NFS1: variants seen among roughly 807,000 people sequenced by gnomAD.
NFS1 encodes cysteine desulfurase.
Under a neutral mutation model 57.3 loss-of-function variants are expected in NFS1, and 26 were observed. The ratio of observed to expected loss-of-function variants is 0.45; its 90% CI spans 0.33 to 0.63. The LOEUF is 0.63. Ranked by LOEUF, NFS1 falls within the 20% of genes least tolerant of loss-of-function variation. The probability of loss-of-function intolerance (pLI) is 0.02; values close to 1 mark genes in which losing one functional copy is unlikely to be tolerated. For synonymous variants in NFS1, 209 were observed against 216.3 expected (o/e 0.97, Z 0.30); for missense variants, 505 against 605.8 (o/e 0.83, Z 1.75).
chr20:35,683,162 C>T (rs1382815115), intron 5 of NFS1, among the ~76,000 whole-genome samples: 1 of 151,858 alleles, frequency 6.6e-6, no homozygotes, highest in Non-Finnish European at 1.5e-5. Context: ...ATGATTCCAT[C>T]CACATGACAG....
intron 4 of NFS1, 141 bp from the exon 5 acceptor site, chr20:35,690,706 T>C (rs1398127550): frequency 6.7e-5 from 55 of 822,182 alleles, no homozygotes; most frequent in Non-Finnish European, 7.4e-5. Context: ...ATCCTATAAT[T>C]CAATTCTGAG....
chr20:35,682,352 CA>C (rs1475820166), intron 5 of NFS1, among the ~76,000 whole-genome samples: 29 of 152,122 alleles, frequency 1.9e-4, no homozygotes, highest in African/African-American at 6.8e-4. Flanking sequence ...TTCGTAATAC[CA>C]AAAACCTAGA....
At chr20:35,690,589 G>T (rs1202124576) in intron 4 of NFS1, 24 bp from the exon 5 acceptor site, 2 of 1,612,932 alleles carry the variant, frequency 1.2e-6, no homozygotes, top group African/African-American at 1.3e-5. Flanking sequence ...GTGACAGATG[G>T]AAGGAGAACA....
At chr20:35,680,283 C>T (rs1381336106) in intron 7 of NFS1, among the ~76,000 whole-genome samples, 2 of 151,416 alleles carry the variant, frequency 1.3e-5, no homozygotes, top group African/African-American at 2.4e-5. Context: ...CCAGCCTGGG[C>T]GACTGAGCGA....
At chr20:35,689,747 C>G (rs2035009492) in intron 5 of NFS1, among the ~76,000 whole-genome samples, 1 of 118,090 alleles carries the variant, frequency 8.5e-6, no homozygotes, top group African/African-American at 3.3e-5. Flanking sequence ...TCCAGCCTGG[C>G]AATACAGCGA....
chr20:35,682,010 G>T, intron 5 of NFS1, 29 bp from the exon 6 acceptor site: 1 of 1,360,032 alleles, frequency 7.4e-7, no homozygotes. Flanking sequence ...AAGGTGACTA[G>T]ATAGTACAAA....
intron 5 of NFS1, among the ~76,000 whole-genome samples, chr20:35,683,059 C>A (rs111373089): frequency 0.013 from 1,940 of 151,636 alleles, 30 homozygotes; most frequent in African/African-American, 0.044. Context: ...GCCTGGGCAA[C>A]AGAACAAGAT....
intron 4 of NFS1, among the ~76,000 whole-genome samples, chr20:35,692,096 G>A (rs529667731): frequency 1.7e-3 from 258 of 152,240 alleles, no homozygotes; most frequent in South Asian, 2.9e-3. Context: ...TGAGGCAGGA[G>A]AATCGCTTGA....
chr20:35,697,762 G>T lies in NFS1; in HGVS notation c.246C>A (p.Ile82=), dbSNP rs17855334. 4.3e-6 allele frequency: 7 copies of T among 1,613,858 alleles called. No homozygotes were observed. Among genetic ancestry groups the T allele is most frequent in the Non-Finnish European group, 5.9e-6 (7 of 1,179,922 alleles). The part of the protein sequence containing the change: ...RVLDAMLPYL[I]NYYGNPHSRT... ...GGGAGTGTGGGTTCCCATAGTAGTT[G>T]ATTAGGTAAGGGAGCATGGCATCAA... Residue 82 remains isoleucine, a synonymous_variant, in exon 3 of 13, where the codon ATC becomes ATA. Transcript: ENST00000374092.
At chr20:35,689,808 C>T (rs541424171) in intron 5 of NFS1, among the ~76,000 whole-genome samples, 6 of 146,920 alleles carry the variant, frequency 4.1e-5, no homozygotes, top group South Asian at 2.1e-4. Context: ...TGTGGTGGCA[C>T]GTGCCTGTAG....
chr20:35,670,369 A>G (rs571055185), intron 12 of NFS1, among the ~76,000 whole-genome samples: 21 of 152,286 alleles, frequency 1.4e-4, no homozygotes, highest in African/African-American at 4.3e-4. Context: ...ATCGATCCCC[A>G]AGCAGAAGCT....
chr20:35,685,573 T>C (rs954580952), intron 5 of NFS1, among the ~76,000 whole-genome samples: 12 of 146,914 alleles, frequency 8.2e-5, no homozygotes, highest in East Asian at 3.9e-4. Flanking sequence ...TATATATATA[T>C]AGCAGCCGGG....
At chr20:35,690,717 GCTAACTCTCCAGA>G in intron 4 of NFS1, 152 bp from the exon 5 acceptor site, 1 of 780,238 alleles carries the variant, frequency 1.3e-6, no homozygotes, top group South Asian at 1.7e-5. Context: ...CAATTCTGAG[GCTAACTCTCCAGA>G]CTTAGTGAAA....
Position 35,699,283 on chromosome 20 carries a change from C to T in NFS1, c.6G>A (p.Leu2=). Residue 2 remains leucine, a synonymous_variant, in exon 1 of 13, where the codon CTG becomes CTA. Coordinates refer to ENST00000374092, the MANE Select transcript of NFS1 (RefSeq NM_021100.5). This position sits in a 1 kb window ranked among gnomAD's most constrained non-coding sequence, Gnocchi z 4.4. ...CCGCCCGCCTCCAAGCGGCTCGGAG[C>T]AGCATGGTCCCGCTGGCAGAGCCCA... M[L]LRAAWRRAAV... 2 of 1,408,378 alleles carry T rather than the reference C, an allele frequency of 1.4e-6. No individual in the cohort carries two copies. Among genetic ancestry groups the T allele is most frequent in the Non-Finnish European group, 1.8e-6 (2 of 1,089,704 alleles). 87.2% of individuals were successfully genotyped at this position (1,408,378 alleles called of 1,614,324 possible). A position where few individuals can be genotyped will look rare whatever the true frequency, so the allele number is the denominator to read the frequency against.
intron 7 of NFS1, among the ~76,000 whole-genome samples, chr20:35,679,307 C>A (rs1031142900): frequency 1.3e-5 from 2 of 152,104 alleles, no homozygotes; most frequent in Admixed American, 6.5e-5. Flanking sequence ...CCTCAGTCTC[C>A]TGAGTAGCTG....
intron 7 of NFS1, chr20:35,676,334 T>A (rs981630797): frequency 6.6e-6 from 1 of 150,632 alleles, no homozygotes; most frequent in Admixed American, 6.6e-5. Context: ...ACACCTGTAA[T>A]CCCAGTGCTT....
At chr20:35,692,399 T>TA (rs60895762) in intron 4 of NFS1, 1,265 of 154,018 alleles carry the variant, frequency 8.2e-3, no homozygotes, top group South Asian at 0.015. Context: ...ATTAATTAAT[T>TA]AAAAAAAAAA....
intron 3 of NFS1, among the ~76,000 whole-genome samples, chr20:35,697,113 T>C (rs781662097): frequency 1.4e-5 from 2 of 147,898 alleles, no homozygotes; most frequent in Non-Finnish European, 3.0e-5. Context: ...TCTCAAATAA[T>C]AGTAAATAAA....
intron 5 of NFS1, among the ~76,000 whole-genome samples, chr20:35,690,009 G>C (rs564429480): frequency 1.3e-5 from 2 of 151,302 alleles, no homozygotes; most frequent in South Asian, 4.2e-4. Context: ...TGAGGCAGGA[G>C]AATCATTAGA....
Sources: gnomAD v4.1 joint callset for allele counts (sites outside exome capture counted in the v4.1 genomes callset) on GRCh38, gnomAD v4.1.1 for gene constraint, Gnocchi (gnomAD v3.1) non-coding constraint, MANE v1.5 for transcripts, NCBI Gene and HGNC (gene_info 2026-07-23, HGNC 2026-07-21) for gene names.